NECAP1: variants seen among roughly 807,000 people sequenced by gnomAD.
NECAP1 encodes the protein adaptin ear-binding coat-associated protein 1.
Under a neutral mutation model 33.4 loss-of-function variants are expected in NECAP1, and 13 were observed. The ratio of observed to expected loss-of-function variants is 0.39; its 90% CI spans 0.25 to 0.62. NECAP1 has a LOEUF of 0.62. Ranked by LOEUF, NECAP1 falls within the 20% of genes least tolerant of loss-of-function variation. The probability of loss-of-function intolerance (pLI) is 0.52; values close to 1 mark genes in which losing one functional copy is unlikely to be tolerated. For synonymous variants in NECAP1, 109 were observed against 125.2 expected, an observed-to-expected ratio of 0.87 and a Z score of 0.86; for missense variants, 272 against 347.4, an observed-to-expected ratio of 0.78 and a Z score of 1.73.
intron 1 of NECAP1, among the ~76,000 whole-genome samples, chr12:8,084,114 C>T (rs1177204190): frequency 6.6e-6 from 1 of 152,142 alleles, no homozygotes; most frequent in Non-Finnish European, 1.5e-5. Context: ...TTATCATTAC[C>T]TTGGCTGAAA....
intron 3 of NECAP1, 167 bp downstream of exon 3, chr12:8,090,466 T>C: frequency 1.7e-6 from 1 of 605,252 alleles, no homozygotes; most frequent in South Asian, 2.1e-5. Flanking sequence ...ACATGTTATT[T>C]GTAATAGATA....
In NECAP1 at chr12:8,094,932, G is replaced by C. The variant is rs762126242; in HGVS notation, c.677-669G>C. On this transcript the variant is annotated intron_variant, in intron 6 of 7. Transcript: ENST00000339754. Reference sequence around the variant, plus strand: ...CCTAACGCTTGGCAATCACCAGTCTGTTCTCCATCTTTATAATTTTGTCAC... The same window carrying C: ...CCTAACGCTTGGCAATCACCAGTCTCTTCTCCATCTTTATAATTTTGTCAC... Among the ~76,000 whole-genome samples, 7 of 152,280 alleles carry C rather than the reference G, an allele frequency of 4.6e-5. No homozygotes were observed. The South Asian group carries it at 1.5e-3, about 32-fold the overall frequency.
intron 1 of NECAP1, among the ~76,000 whole-genome samples, chr12:8,083,878 T>C (rs1947465988): frequency 6.6e-6 from 1 of 152,124 alleles, no homozygotes; most frequent in African/African-American, 2.4e-5. Context: ...TTGCTAGGGC[T>C]ACAGGCATTG....
chr12:8,092,050 A>G (rs1374162492), intron 4 of NECAP1, 200 bp downstream of exon 4: 2 of 567,230 alleles, frequency 3.5e-6, no homozygotes, highest in African/African-American at 1.9e-5. Context: ...AGCCTGCAAT[A>G]TATTTCAGAT....
intron 1 of NECAP1, 133 bp from the exon 2 acceptor site, chr12:8,089,803 A>C: frequency 2.8e-6 from 2 of 713,174 alleles, no homozygotes; most frequent in African/African-American, 3.5e-5. Context: ...TAGATCATGA[A>C]TTATTCTTGT....
At chr12:8,083,598 T>TTTTGTATTTTGTATTTTGTA (rs1434373152) in intron 1 of NECAP1, among the ~76,000 whole-genome samples, 4 of 151,828 alleles carry the variant, frequency 2.6e-5, no homozygotes, top group Non-Finnish European at 2.9e-5. Context: ...CCTGGCTAAT[T>TTTTGTATTTTGTATTTTGTA]TTTGTATTTT....
intron 6 of NECAP1, 152 bp from the exon 7 acceptor site, chr12:8,095,449 C>T: frequency 2.2e-6 from 1 of 449,390 alleles, no homozygotes; most frequent in Admixed American, 3.4e-5. Context: ...GGGGTTTCAC[C>T]TTGTTAGCCA....
At chr12:8,090,322 T>G (rs754309012) in intron 3 of NECAP1, 23 bp downstream of exon 3, 15 of 1,600,042 alleles carry the variant, frequency 9.4e-6, no homozygotes, top group Non-Finnish European at 1.3e-5. Flanking sequence ...GGATTTTGAG[T>G]GGAACGAAGT....
Position 8,097,018 on chromosome 12 carries a change from T to A in NECAP1, c.*928T>A, listed in dbSNP as rs1179195523. 3 of 152,690 alleles carry A rather than the reference T, an allele frequency of 2.0e-5. No homozygotes were observed. The highest frequency in any genetic ancestry group is 4.4e-5 in the Non-Finnish European group (3 of 68,058). The allele number at this position is 152,690 out of a possible 1,614,324, so 9.5% of individuals were successfully genotyped here. ...AGAGAGGTTGAAAGCACTTAACTCT[T>A]GTTTAGTATCCTCATTGCCTTGCTG... On this transcript the variant is annotated 3_prime_UTR_variant, in exon 8 of 8. Coordinates refer to ENST00000339754, the MANE Select transcript of NECAP1 (RefSeq NM_015509.4).
intron 7 of NECAP1, 139 bp downstream of exon 7, chr12:8,095,842 A>T (rs1293755894): frequency 2.7e-6 from 3 of 1,102,224 alleles, no homozygotes; most frequent in Non-Finnish European, 4.0e-6. Flanking sequence ...TGAAGGAAAT[A>T]TAGTAGTGCT....
In NECAP1 at chr12:8,096,251, CTCCCCTG is replaced by C; in HGVS notation, c.*163_*169del. ...ATCACATTCAAGCTGGTTTATGTCACTCCCCTGTGTTGTTACTTGTACAGCCAAGAAA... is the reference window on the plus strand; with the variant it reads ...ATCACATTCAAGCTGGTTTATGTCACTGTTGTTACTTGTACAGCCAAGAAA... On this transcript the variant is annotated 3_prime_UTR_variant, in exon 8 of 8. Coordinates refer to ENST00000339754, the MANE Select transcript of NECAP1 (RefSeq NM_015509.4). 1.4e-6 allele frequency: 1 copy of C among 699,764 alleles called. No individual in the cohort carries two copies. Among genetic ancestry groups the C allele is most frequent in the South Asian group, 1.9e-5 (1 of 53,278 alleles). 43.3% of individuals were successfully genotyped at this position (699,764 alleles called of 1,614,324 possible).
At chr12:8,094,214 G>A (rs1947574717) in intron 6 of NECAP1, among the ~76,000 whole-genome samples, 1 of 152,106 alleles carries the variant, frequency 6.6e-6, no homozygotes, top group Non-Finnish European at 1.5e-5. Context: ...TAGTATCTAA[G>A]ATTTTTTTTA....
intron 6 of NECAP1, among the ~76,000 whole-genome samples, chr12:8,094,165 C>T (rs545779469): frequency 6.6e-6 from 1 of 152,110 alleles, no homozygotes; most frequent in Non-Finnish European, 1.5e-5. Flanking sequence ...ATATTATAGC[C>T]TGCTTCTTTT....
intron 4 of NECAP1, chr12:8,092,442 TC>T (rs1183715544): frequency 9.0e-6 from 4 of 443,834 alleles, no homozygotes; most frequent in Non-Finnish European, 1.2e-5. Context: ...ATACCATCCT[TC>T]TGGAAGGGGC....
At chr12:8,083,960 T>G (rs531829987) in intron 1 of NECAP1, among the ~76,000 whole-genome samples, 1 of 152,074 alleles carries the variant, frequency 6.6e-6, no homozygotes, top group Non-Finnish European at 1.5e-5. Context: ...CAGGCTGGTC[T>G]CGAACTCCTG....
chr12:8,089,958 C>A lies in NECAP1; in HGVS notation c.118C>A (p.Gln40Lys). 1 of 1,614,126 alleles carries A rather than the reference C, an allele frequency of 6.2e-7. No individual in the cohort carries two copies. Among genetic ancestry groups the A allele is most frequent in the Non-Finnish European group, 8.5e-7 (1 of 1,180,002 alleles). The change falls in exon 2 of 8, where the codon CAG (glutamine) becomes AAG (lysine). Residue 40 changes from glutamine to lysine, a missense_variant. By Grantham distance (53) the Gln-to-Lys change is moderately conservative. Coordinates refer to ENST00000339754, the MANE Select transcript of NECAP1 (RefSeq NM_015509.4). Reference protein sequence around the residue: ...GYRASDWKLDQPDWTGRLRIT... With the variant: ...GYRASDWKLDKPDWTGRLRIT... ...TAGGGCCTCTGACTGGAAATTAGAC[C>A]AGCCTGATTGGACTGGTCGCCTCCG...
At chr12:8,095,907 C>A in intron 7 of NECAP1, 135 bp from the exon 8 acceptor site, 1 of 1,212,848 alleles carries the variant, frequency 8.2e-7, no homozygotes, top group Non-Finnish European at 1.2e-6. Context: ...ATATTTCAGG[C>A]CTTTGTAAGT....
chr12:8,093,196 A>G (rs576800455), intron 6 of NECAP1, 141 bp downstream of exon 6: 7 of 797,238 alleles, frequency 8.8e-6, no homozygotes, highest in South Asian at 3.6e-5. Context: ...TCTAGCAAGG[A>G]ATCAAAGCTT....
rs977227749 is a variant in NECAP1 at position 8,085,698 on chromosome 12, T to C, written c.95+3315T>C. Among the ~76,000 whole-genome samples the C allele has an allele frequency of 9.9e-4, 138 of 138,956 alleles. 1 individual carries two copies. Among genetic ancestry groups the C allele is most frequent in the Admixed American group, 2.1e-3 (29 of 13,856 alleles). The allele number at this position is 138,956 out of a possible 152,430, so 91.2% of individuals were successfully genotyped here. On this transcript the variant is annotated intron_variant, in intron 1 of 7. Coordinates refer to ENST00000339754, the MANE Select transcript of NECAP1 (RefSeq NM_015509.4). ...CTCACTTAATCTTCTTTTTTTTTTT[T>C]TTTTTTTTTTTTTTTTTGTTGTTGA...
Sources: gnomAD v4.1 joint callset for allele counts (sites outside exome capture counted in the v4.1 genomes callset) on GRCh38, gnomAD v4.1.1 for gene constraint, MANE v1.5 for transcripts, NCBI Gene and HGNC (gene_info 2026-07-23, HGNC 2026-07-21) for gene names.